The following TLN2 variants were observed in gnomAD, a reference collection of about 807,000 sequenced individuals.
The protein encoded by TLN2 is talin-2.
In TLN2, 118 loss-of-function variants were observed where a neutral mutation model predicts 294.7. That is an observed-to-expected ratio of 0.40 (90% CI 0.34 to 0.47). TLN2 has a LOEUF of 0.47. TLN2 is among the 20% of genes least tolerant of loss of function. The pLI, the probability that TLN2 is intolerant of heterozygous loss-of-function variation, is 0.84. For missense variants in TLN2, 3,083 were observed against 3,282.2 expected, an observed-to-expected ratio of 0.94 and a Z score of 1.48; for synonymous variants, 1,431 against 1,304.5, an observed-to-expected ratio of 1.10 and a Z score of -2.09.
intron 46 of TLN2, 48 bp from the exon 47 acceptor site, chr15:62,796,079 T>C (rs762829965): frequency 7.3e-5 from 116 of 1,598,606 alleles, no homozygotes; most frequent in Non-Finnish European, 9.4e-5. Context: ...TTTTAGGTCC[T>C]GTTCTCTCCA....
rs752419368 is a variant in TLN2 at position 62,697,755 on chromosome 15, G to A, written c.1360G>A (p.Ala454Thr). 6.2e-7 allele frequency: 1 copy of A among 1,612,134 alleles called. No individual in the cohort carries two copies. Among genetic ancestry groups the A allele is most frequent in the South Asian group, 1.1e-5 (1 of 90,976 alleles). Reference protein sequence around the residue: ...KAEHGSVALPAVMRSGSSGPE... With the variant: ...KAEHGSVALPTVMRSGSSGPE... ...AGAGCACGGCTCAGTGGCGCTGCCG[G>A]CCGTGATGCGCTCGGGCTCCAGCGG... Residue 454 changes from alanine (A) to threonine (T), a missense_variant, in exon 15 of 59, where the codon GCC becomes ACC. Transcript: ENST00000636159.
At chr15:62,521,887 C>G (rs552432584) in intron 1 of TLN2, among the ~76,000 whole-genome samples, 204 of 152,210 alleles carry the variant, frequency 1.3e-3, no homozygotes, top group Middle Eastern at 6.8e-3. Context: ...TGCTCTCTGC[C>G]GTGTGACGCT....
intron 1 of TLN2, among the ~76,000 whole-genome samples, chr15:62,468,828 A>G (rs774263436): frequency 7.3e-5 from 11 of 150,882 alleles, no homozygotes; most frequent in African/African-American, 2.2e-4. Flanking sequence ...GTTCATGACA[A>G]TTCTTTAGAA....
At chr15:62,754,828 G>T (rs1025729864) in intron 36 of TLN2, 1 of 152,226 alleles carries the variant, frequency 6.6e-6, no homozygotes, top group Non-Finnish European at 1.5e-5. Context: ...GGAGCCTGTG[G>T]AACTTCCTGA....
intron 3 of TLN2, among the ~76,000 whole-genome samples, chr15:62,640,968 AT>A (rs2051011248): frequency 6.6e-6 from 1 of 151,818 alleles, no homozygotes; most frequent in African/African-American, 2.4e-5. Context: ...TGCTCGGCTA[AT>A]TTTTGTATTT....
intron 45 of TLN2, among the ~76,000 whole-genome samples, chr15:62,788,184 G>T (rs1295776291): frequency 6.6e-6 from 1 of 151,642 alleles, no homozygotes; most frequent in African/African-American, 2.4e-5. Context: ...GGTGGGGGGT[G>T]CCTGTAATCT....
intron 1 of TLN2, among the ~76,000 whole-genome samples, chr15:62,435,808 C>G (rs978461620): frequency 6.6e-6 from 1 of 152,174 alleles, no homozygotes; most frequent in African/African-American, 2.4e-5. Context: ...TCCCAAAATG[C>G]TAGGATTACA....
intron 21 of TLN2, among the ~76,000 whole-genome samples, 184 bp from the exon 22 acceptor site, chr15:62,711,727 G>T (rs535953134): frequency 3.9e-4 from 59 of 152,182 alleles, no homozygotes; most frequent in Non-Finnish European, 7.3e-4. Context: ...CATCCTGGCA[G>T]CCGCAGGGAA....
chr15:62,508,542 A>G (rs1034771836), intron 1 of TLN2, among the ~76,000 whole-genome samples: 2 of 152,216 alleles, frequency 1.3e-5, no homozygotes, highest in Admixed American at 1.3e-4. Flanking sequence ...TTTTGAAACA[A>G]ATTTTTCATT....
intron 28 of TLN2, among the ~76,000 whole-genome samples, chr15:62,730,340 T>A (rs1231939577): frequency 3.9e-5 from 6 of 152,132 alleles, no homozygotes; most frequent in Non-Finnish European, 7.4e-5. Flanking sequence ...GCACCCAGCC[T>A]TATGTTTTAA....
chr15:62,811,536 G>T lies in TLN2; in HGVS notation c.6771+1504G>T, dbSNP rs138761987. On this transcript the variant is annotated intron_variant, in intron 52 of 58. Transcript: ENST00000636159. Reference sequence around the variant, plus strand: ...TTATAACTAAAAATTGGACAATAGGGTGCAATCAGTAGATTTAGAAGCCTC... The same window carrying T: ...TTATAACTAAAAATTGGACAATAGGTTGCAATCAGTAGATTTAGAAGCCTC... 7.7e-4 allele frequency among the ~76,000 whole-genome samples: 118 copies of T among 152,258 alleles called. 1 individual carries two copies. The highest frequency in any genetic ancestry group is 2.8e-3 in the African/African-American group (116 of 41,546).
chr15:62,441,764 A>G (rs370157907), intron 1 of TLN2, among the ~76,000 whole-genome samples: 12 of 152,304 alleles, frequency 7.9e-5, no homozygotes, highest in South Asian at 2.1e-4. Context: ...TTGATCAGCA[A>G]TGGCCAATGA....
At chr15:62,430,685 C>A (rs1342718496) in intron 1 of TLN2, among the ~76,000 whole-genome samples, 4 of 151,970 alleles carry the variant, frequency 2.6e-5, no homozygotes, top group African/African-American at 4.8e-5. Flanking sequence ...TTACTGGTAC[C>A]CTGCATTGTG....
At chr15:62,839,570 G>T (rs976215342) in intron 58 of TLN2, among the ~76,000 whole-genome samples, 4 of 152,292 alleles carry the variant, frequency 2.6e-5, no homozygotes, top group Non-Finnish European at 4.4e-5. Flanking sequence ...GCATTCTCAC[G>T]CATGGGAGTG....
chr15:62,702,653 C>T, intron 18 of TLN2, 113 bp from the exon 19 acceptor site: 2 of 1,005,834 alleles, frequency 2.0e-6, no homozygotes, highest in South Asian at 1.4e-5. Context: ...GAGATTCTCA[C>T]TGTCAGACAA....
chr15:62,731,781 C>T (rs756372551), intron 28 of TLN2, among the ~76,000 whole-genome samples: 20 of 152,144 alleles, frequency 1.3e-4, no homozygotes, highest in Non-Finnish European at 2.5e-4. Flanking sequence ...TGGTATTTCT[C>T]CAGTGTCTTC....
At chr15:62,404,236 C>T (rs2033236226) in intron 1 of TLN2, among the ~76,000 whole-genome samples, 1 of 152,206 alleles carries the variant, frequency 6.6e-6, no homozygotes, top group Non-Finnish European at 1.5e-5. Context: ...TGGTAGAAGG[C>T]ACCTGCAGAG....
intron 9 of TLN2, among the ~76,000 whole-genome samples, chr15:62,663,060 C>T (rs1337997218): frequency 6.6e-6 from 1 of 152,056 alleles, no homozygotes; most frequent in Non-Finnish European, 1.5e-5. Context: ...CCTGATCCTC[C>T]TGCCTCGGCC....
chr15:62,660,125 C>T (rs971132898), intron 9 of TLN2, among the ~76,000 whole-genome samples: 1 of 152,152 alleles, frequency 6.6e-6, no homozygotes, highest in African/African-American at 2.4e-5. Context: ...CCAGAAATTT[C>T]AGTTACGTAG....
Sources: gnomAD v4.1 joint callset for allele counts (sites outside exome capture counted in the v4.1 genomes callset) on GRCh38, gnomAD v4.1.1 for gene constraint, MANE v1.5 for transcripts, NCBI Gene and HGNC (gene_info 2026-07-23, HGNC 2026-07-21) for gene names.